SDCCAG8: variants seen among roughly 807,000 people sequenced by gnomAD.
The protein encoded by SDCCAG8 is SHH signaling and ciliogenesis regulator SDCCAG8.
SDCCAG8 carries 74 observed loss-of-function variants against 101.8 expected under a neutral mutation model. The observed-to-expected ratio is 0.73, with a 90% CI of 0.60 to 0.88. SDCCAG8 has a LOEUF of 0.88. SDCCAG8 is among the 40% of genes least tolerant of loss of function. SDCCAG8 has a pLI of 0.00. For missense variants in SDCCAG8, 787 were observed against 822.6 expected (o/e 0.96, Z 0.53); for synonymous variants, 281 against 292.9 (o/e 0.96, Z 0.41).
intron 1 of SDCCAG8, 25 bp downstream of exon 1, chr1:243,256,265 C>G: frequency 6.2e-7 from 1 of 1,609,134 alleles, no homozygotes; most frequent in South Asian, 1.1e-5. Context: ...ACCTCTGTCC[C>G]TAGCCCCGAG....
intron 12 of SDCCAG8, among the ~76,000 whole-genome samples, chr1:243,348,843 G>A (rs368863498): frequency 7.0e-4 from 105 of 150,514 alleles, no homozygotes; most frequent in African/African-American, 2.5e-3. Flanking sequence ...AAAATTAGCC[G>A]GACATGATGG....
intron 10 of SDCCAG8, among the ~76,000 whole-genome samples, chr1:243,334,140 G>A (rs2074828786): frequency 6.6e-6 from 1 of 152,050 alleles, no homozygotes; most frequent in Non-Finnish European, 1.5e-5. Flanking sequence ...TTAAGCCCCT[G>A]AGCATTTACA....
At chr1:243,384,975 G>A (rs929988616) in intron 13 of SDCCAG8, among the ~76,000 whole-genome samples, 21 of 152,188 alleles carry the variant, frequency 1.4e-4, no homozygotes, top group Admixed American at 5.2e-4. Context: ...TTATTCACCC[G>A]TTCTACATGG....
At chr1:243,470,582 G>A (rs1463613978) in intron 16 of SDCCAG8, among the ~76,000 whole-genome samples, 1 of 151,736 alleles carries the variant, frequency 6.6e-6, no homozygotes, top group Non-Finnish European at 1.5e-5. Flanking sequence ...GATTTCAACG[G>A]TGTCAACAAT....
intron 8 of SDCCAG8, among the ~76,000 whole-genome samples, chr1:243,310,637 A>G (rs747969330): frequency 2.6e-5 from 4 of 152,210 alleles, no homozygotes; most frequent in Non-Finnish European, 4.4e-5. Flanking sequence ...AAAAAGATAC[A>G]TTTGTTTCTA....
intron 16 of SDCCAG8, among the ~76,000 whole-genome samples, chr1:243,438,553 C>G (rs1332090321): frequency 2.0e-5 from 3 of 150,050 alleles, no homozygotes; most frequent in Non-Finnish European, 3.0e-5. Context: ...TGTCTATGCA[C>G]ACGTGCGCGT....
intron 16 of SDCCAG8, among the ~76,000 whole-genome samples, chr1:243,485,285 T>C (rs572271651): frequency 1.3e-5 from 2 of 152,330 alleles, no homozygotes; most frequent in African/African-American, 4.8e-5. Flanking sequence ...CCTAGGACTA[T>C]AGTGAACTTT....
At chr1:243,439,348 C>G (rs7524530) in intron 16 of SDCCAG8, among the ~76,000 whole-genome samples, 27,429 of 151,682 alleles carry the variant, frequency 0.18, 2,691 homozygotes, top group African/African-American at 0.23. Flanking sequence ...ATCTGGCCGG[C>G]CGCAGTGGCT....
intron 13 of SDCCAG8, among the ~76,000 whole-genome samples, chr1:243,396,856 C>T (rs1337699929): frequency 2.0e-5 from 3 of 152,204 alleles, no homozygotes; most frequent in South Asian, 2.1e-4. Flanking sequence ...CATTACACAA[C>T]AGAACTTCAT....
chr1:243,453,897 G>C (rs1574132264), intron 16 of SDCCAG8, among the ~76,000 whole-genome samples: 1 of 152,150 alleles, frequency 6.6e-6, no homozygotes, highest in African/African-American at 2.4e-5. Flanking sequence ...ATATTCTCCA[G>C]CAGTTTAGCA....
chr1:243,317,897 T>C (rs780962807), intron 9 of SDCCAG8: 159 of 336,262 alleles, frequency 4.7e-4, no homozygotes, highest in Non-Finnish European at 5.9e-4. Context: ...CATGAAAAGT[T>C]TTGTTGGATA....
At chr1:243,384,769 C>T (rs556014388) in intron 13 of SDCCAG8, among the ~76,000 whole-genome samples, 3 of 151,886 alleles carry the variant, frequency 2.0e-5, no homozygotes, top group South Asian at 2.1e-4. Flanking sequence ...ATAGCATGAC[C>T]GCATCTCTGG....
Position 243,270,038 on chromosome 1 carries a change from CTGAG to C in SDCCAG8, c.68-65_68-62del, listed in dbSNP as rs1487347977. ...GATTTCACCTTTAAAAACTGCCTTC[CTGAG>C]TAAGTGTCCGTTTGGTCAACCAGAC... On this transcript the variant is annotated intron_variant, in intron 1 of 17. Coordinates refer to ENST00000366541, the MANE Select transcript of SDCCAG8 (RefSeq NM_006642.5). 13 of 1,611,006 alleles carry C rather than the reference CTGAG, an allele frequency of 8.1e-6. No individual in the cohort carries two copies. In the East Asian group the frequency reaches 1.6e-4, roughly 19 times the overall value.
intron 16 of SDCCAG8, among the ~76,000 whole-genome samples, chr1:243,463,803 G>A (rs191647387): frequency 4.6e-5 from 7 of 152,228 alleles, no homozygotes; most frequent in African/African-American, 9.6e-5. Context: ...GTGGTACTCC[G>A]ACATCTTCGA....
intron 4 of SDCCAG8, among the ~76,000 whole-genome samples, chr1:243,275,856 G>GT (rs11344816): frequency 0.026 from 1,518 of 59,160 alleles, 325 homozygotes; most frequent in African/African-American, 0.044. Flanking sequence ...TTGAACCAAT[G>GT]TTTTTTTTTT....
At chr1:243,425,582 A>G (rs1236906856) in intron 15 of SDCCAG8, among the ~76,000 whole-genome samples, 3 of 152,194 alleles carry the variant, frequency 2.0e-5, no homozygotes, top group Admixed American at 6.5e-5. Flanking sequence ...AAAACGACTC[A>G]TAATATACAA....
At chr1:243,265,896 C>A (rs2067548860) in intron 1 of SDCCAG8, among the ~76,000 whole-genome samples, 3 of 151,534 alleles carry the variant, frequency 2.0e-5, no homozygotes, top group Non-Finnish European at 2.9e-5. Context: ...CAAATTCTTT[C>A]CATATTTTTT....
intron 6 of SDCCAG8, among the ~76,000 whole-genome samples, chr1:243,295,104 T>C (rs2070737678): frequency 6.6e-6 from 1 of 152,172 alleles, no homozygotes; most frequent in South Asian, 2.1e-4. Context: ...TTGTATCTTT[T>C]TTTTCCCTCT....
chr1:243,350,433 G>T (rs1382314350), intron 12 of SDCCAG8, among the ~76,000 whole-genome samples: 1 of 152,048 alleles, frequency 6.6e-6, no homozygotes, highest in Non-Finnish European at 1.5e-5. Context: ...GCCCAGGCTG[G>T]TCTTGAACTC....
Sources: gnomAD v4.1 joint callset for allele counts (sites outside exome capture counted in the v4.1 genomes callset) on GRCh38, gnomAD v4.1.1 for gene constraint, MANE v1.5 for transcripts, NCBI Gene and HGNC (gene_info 2026-07-23, HGNC 2026-07-21) for gene names.